The following GFRA3 variants were observed in gnomAD, a reference collection of about 807,000 sequenced individuals.
The protein encoded by GFRA3 is GDNF family receptor alpha-3.
GFRA3 carries 24 observed loss-of-function variants against 40.0 expected under a neutral mutation model. The observed-to-expected ratio is 0.60, with a 90% CI of 0.43 to 0.84. The LOEUF (loss-of-function observed/expected upper bound fraction) is 0.84, where lower values mean the gene tolerates loss of function less well. Among genes scored for constraint, GFRA3 ranks in the 40% least tolerant of loss-of-function variants. GFRA3 has a pLI of 0.00. For synonymous variants in GFRA3, 203 were observed against 213.5 expected (o/e 0.95, Z 0.43); for missense variants, 405 against 530.6 (o/e 0.76, Z 2.33).
rs760244002 is a variant in GFRA3, at chr5:138,264,418, T to C, written c.222A>G (p.Pro74=). ...GGACCGAAGGCTCCTCTGAGGGCAG[T>C]GGGGTGCTTATGCTAGAGGTGCAGG... The part of the protein sequence containing the change: ...LDSCTSSIST[P]LPSEEPSVPA... The change falls in exon 2 of 8, where the codon CCA becomes CCG. Residue 74 remains proline (P), a synonymous_variant. Coordinates refer to ENST00000274721, the MANE Select transcript of GFRA3 (RefSeq NM_001496.4). The C allele has an allele frequency of 1.9e-6, 3 of 1,614,040 alleles. No individual in the cohort carries two copies. The highest frequency in any genetic ancestry group is 2.5e-6 in the Non-Finnish European group (3 of 1,179,972).
intron 1 of GFRA3, among the ~76,000 whole-genome samples, chr5:138,273,090 G>C (rs1486842621): frequency 6.6e-6 from 1 of 152,172 alleles, no homozygotes; most frequent in Non-Finnish European, 1.5e-5. Context: ...CAGGACTCCA[G>C]CCTCCTATCC....
At chr5:138,271,314 C>T (rs1232643705) in intron 1 of GFRA3, among the ~76,000 whole-genome samples, 1 of 152,100 alleles carries the variant, frequency 6.6e-6, no homozygotes, top group Non-Finnish European at 1.5e-5. Flanking sequence ...ACTGTACTAA[C>T]TATTGAGTTG....
At chr5:138,258,226 G>A (rs1306631702) in intron 3 of GFRA3, among the ~76,000 whole-genome samples, 1 of 112,720 alleles carries the variant, frequency 8.9e-6, no homozygotes, top group Non-Finnish European at 1.6e-5. Context: ...TGTTGGCCAA[G>A]CCGAAGTGCA....
rs769209317 is a variant in GFRA3, at chr5:138,254,124, G to A, written c.822C>T (p.Pro274=). Residue 274 remains proline (P), a synonymous_variant, in exon 5 of 8, where the codon CCC becomes CCT. Coordinates refer to ENST00000274721, the MANE Select transcript of GFRA3 (RefSeq NM_001496.4). ...RLVDFQTHCH[P]MDILGTCATE... The stretch of plus-strand genomic sequence containing the variant: ...TTGCACAAGTTCCTAGGATGTCCAT[G>A]GGATGGCAGTGGGTCTGGAAATCCA... 1.9e-6 allele frequency: 3 copies of A among 1,611,042 alleles called. No individual in the cohort carries two copies. The highest frequency in any genetic ancestry group is 2.2e-5 in the East Asian group (1 of 44,852).
rs1485452169 is a variant in GFRA3, at chr5:138,257,729, C to T, written c.695G>A (p.Arg232His). The change falls in exon 4 of 8, where the codon CGC (arginine) becomes CAC (histidine). Residue 232 changes from arginine to histidine, a missense_variant. Coordinates refer to ENST00000274721, the MANE Select transcript of GFRA3 (RefSeq NM_001496.4). ...PNDRGCGERR[R>H]NTIAPNCALP... is the part of the protein sequence containing the mutation. ...CGCGCAGTTGGGGGCGATGGTGTTG[C>T]GCCGGCGCTCCCCGCAGCCCCGGTC... 5 of 1,609,494 alleles carry T rather than the reference C, an allele frequency of 3.1e-6. No homozygotes were observed. Among genetic ancestry groups the T allele is most frequent in the African/African-American group, 1.3e-5 (1 of 74,754 alleles).
chr5:138,265,851 A>T (rs1755775966), intron 1 of GFRA3, among the ~76,000 whole-genome samples: 1 of 152,026 alleles, frequency 6.6e-6, no homozygotes, highest in South Asian at 2.1e-4. Flanking sequence ...ACATGCCACC[A>T]CATCTGGTTA....
At position 138,269,299 on chromosome 5, in the gene GFRA3, G is replaced by T. The variant is rs571615141; in HGVS notation, c.92-4751C>A. Among the ~76,000 whole-genome samples, 7 of 152,126 alleles carry T rather than the reference G, an allele frequency of 4.6e-5. No homozygotes were observed. In the East Asian group the frequency reaches 1.2e-3, roughly 25 times the overall value. ...CCCCGTAATCCCAGCACTTTGGGAG[G>T]CTGAGGTGGGCAGATCACCTGAGGT... is the stretch of plus-strand genomic sequence containing the variant. On this transcript the variant is annotated intron_variant, in intron 1 of 7. Coordinates refer to ENST00000274721, the MANE Select transcript of GFRA3 (RefSeq NM_001496.4).
At position 138,254,168 on chromosome 5, in the gene GFRA3, A is replaced by T; in HGVS notation, c.786-8T>A. 6.6e-7 allele frequency: 1 copy of T among 1,505,534 alleles called. No individual in the cohort carries two copies. The highest frequency in any genetic ancestry group is 9.2e-7 in the Non-Finnish European group (1 of 1,085,628). The allele number at this position is 1,505,534 out of a possible 1,614,324, so 93.3% of individuals were successfully genotyped here. The stretch of plus-strand genomic sequence containing the variant: ...AAATCCACCAGGCGTGATCTGGAAG[A>T]AGGGAAATTTCTGTCTTTCTTTTTT... On this transcript the variant is annotated splice_polypyrimidine_tract_variant and splice_region_variant and intron_variant, in intron 4 of 7. Coordinates refer to ENST00000274721, the MANE Select transcript of GFRA3 (RefSeq NM_001496.4).
At chr5:138,255,124 GGGAA>G (rs879813260) in intron 4 of GFRA3, among the ~76,000 whole-genome samples, 2 of 149,772 alleles carry the variant, frequency 1.3e-5, no homozygotes, top group Non-Finnish European at 1.5e-5. Flanking sequence ...GAAGGAGGGA[GGGAA>G]GGAAGGAAGG....
chr5:138,271,543 G>C (rs1755869122), intron 1 of GFRA3, among the ~76,000 whole-genome samples: 2 of 151,962 alleles, frequency 1.3e-5, no homozygotes, highest in Non-Finnish European at 2.9e-5. Flanking sequence ...TTTTTAGTCA[G>C]CATAGTTCCG....
chr5:138,270,303 C>T (rs1322279733), intron 1 of GFRA3, among the ~76,000 whole-genome samples: 1 of 147,254 alleles, frequency 6.8e-6, no homozygotes, highest in South Asian at 2.2e-4. Context: ...ACCCGGGAGG[C>T]GGAGCTTGCA....
chr5:138,273,644 A>G (rs1376205473), intron 1 of GFRA3, among the ~76,000 whole-genome samples: 3 of 152,082 alleles, frequency 2.0e-5, no homozygotes, highest in Non-Finnish European at 4.4e-5. Flanking sequence ...TCTGGGCAGG[A>G]GCCGCATAAT....
At position 138,264,545 on chromosome 5, in the gene GFRA3, T is replaced by C. The variant is rs746636836; in HGVS notation, c.95A>G (p.Asp32Gly). 1.7e-5 allele frequency: 27 copies of C among 1,597,880 alleles called. No homozygotes were observed. The highest frequency in any genetic ancestry group is 2.3e-5 in the Non-Finnish European group (27 of 1,170,862). Residue 32 changes from aspartate to glycine, a missense_variant, in exon 2 of 8, where the codon GAC becomes GGC. Asp to Gly is a moderately conservative substitution (Grantham distance 94). Transcript: ENST00000274721. ...PPSPLPLAAG[D>G]PLPTESRLMN... Reference sequence around the variant, plus strand: ...GAGTCGGCTTTCTGTGGGAAGGGGGTCTCCTGTAAAGGGAGATACCAGGTG... The same window carrying C: ...GAGTCGGCTTTCTGTGGGAAGGGGGCCTCCTGTAAAGGGAGATACCAGGTG...
intron 2 of GFRA3, among the ~76,000 whole-genome samples, chr5:138,260,387 A>G (rs1311864036): frequency 6.6e-6 from 1 of 152,248 alleles, no homozygotes; most frequent in Non-Finnish European, 1.5e-5. Context: ...GATGTGTAAC[A>G]TGAGCAAGAA....
In GFRA3 at chr5:138,253,286, C is replaced by T. The variant is rs758759964; in HGVS notation, c.1113+1G>A. The T allele has an allele frequency of 5.1e-6, 8 of 1,574,508 alleles. No homozygotes were observed. The highest frequency in any genetic ancestry group is 6.1e-6 in the Non-Finnish European group (7 of 1,153,046). Reference sequence around the variant, plus strand: ...GAGGGGTGTAACAGAGGAGGCCCTACCTGGTGTGCCATCACAGCAAAGGTA... The same window carrying T: ...GAGGGGTGTAACAGAGGAGGCCCTATCTGGTGTGCCATCACAGCAAAGGTA... On this transcript the variant is annotated splice_donor_variant, in intron 7 of 7. Transcript: ENST00000274721. LOFTEE classifies it high-confidence loss of function.
rs938847630 is a variant in GFRA3, at chr5:138,254,941, GA to G, written c.786-782del. On this transcript the variant is annotated intron_variant, in intron 4 of 7. Coordinates refer to ENST00000274721, the MANE Select transcript of GFRA3 (RefSeq NM_001496.4). ...AGACCCTGTCTCAGAACGAAAGAAA[GA>G]AAAAAAAAGAAAGAGAAAGAGAGAC... Among the ~76,000 whole-genome samples, 243 of 133,352 alleles carry G rather than the reference GA, an allele frequency of 1.8e-3. 2 individuals are homozygous for G. The highest frequency in any genetic ancestry group is 6.3e-3 in the African/African-American group (228 of 35,934). 87.5% of individuals were successfully genotyped at this position (133,352 alleles called of 152,430 possible).
chr5:138,269,338 C>G (rs539793644), intron 1 of GFRA3, among the ~76,000 whole-genome samples: 1 of 151,548 alleles, frequency 6.6e-6, no homozygotes, highest in East Asian at 2.0e-4. Context: ...GAGTTCAAGA[C>G]CAGCCTGGCC....
chr5:138,268,023 G>A (rs1034293405), intron 1 of GFRA3, among the ~76,000 whole-genome samples: 1 of 152,070 alleles, frequency 6.6e-6, no homozygotes, highest in Non-Finnish European at 1.5e-5. Flanking sequence ...TGGCCACCAC[G>A]CCTGTAATCT....
At chr5:138,262,305 A>G (rs938271504) in intron 2 of GFRA3, among the ~76,000 whole-genome samples, 1 of 152,280 alleles carries the variant, frequency 6.6e-6, no homozygotes, top group South Asian at 2.1e-4. Flanking sequence ...CTGGAAAACA[A>G]TGGATAGGGC....
Sources: gnomAD v4.1 joint callset for allele counts (sites outside exome capture counted in the v4.1 genomes callset) on GRCh38, gnomAD v4.1.1 for gene constraint, MANE v1.5 for transcripts, NCBI Gene and HGNC (gene_info 2026-07-23, HGNC 2026-07-21) for gene names.